The following TXNRD3 variants were observed in gnomAD, a reference collection of about 807,000 sequenced individuals.
TXNRD3 encodes the protein TXNRD3 neighbor gene protein.
TXNRD3 carries 68 observed loss-of-function variants against 78.2 expected under a neutral mutation model. The ratio of observed to expected loss-of-function variants is 0.87; its 90% confidence interval spans 0.72 to 1.06. TXNRD3 has a LOEUF of 1.06. Ranked by LOEUF, TXNRD3 falls within the 50% of genes least tolerant of loss-of-function variation. The pLI is 0.00. For missense variants in TXNRD3, 751 were observed against 809.5 expected (o/e 0.93, Z 0.88); for synonymous variants, 296 against 300.1 (o/e 0.99, Z 0.14).
chr3:126,609,805 A>G (rs1199287826), intron 14 of TXNRD3, among the ~76,000 whole-genome samples: 4 of 152,198 alleles, frequency 2.6e-5, no homozygotes, highest in Non-Finnish European at 5.9e-5. Context: ...GGTCAGAACT[A>G]GCATGACAGC....
chr3:126,618,179 T>A lies in TXNRD3; in HGVS notation c.1525-2717A>T, dbSNP rs1576282447. Among the ~76,000 whole-genome samples the A allele has an allele frequency of 2.6e-5, 4 of 152,302 alleles. No individual in the cohort carries two copies. In the East Asian group the frequency reaches 7.7e-4, roughly 29 times the overall value. On this transcript the variant is annotated intron_variant, in intron 12 of 15. Transcript: ENST00000524230. ...ATCTACAGATGCAATCCAATCTCTA[T>A]CAAAATACCAATCACATTCTTCACA...
intron 7 of TXNRD3, among the ~76,000 whole-genome samples, chr3:126,633,416 C>T (rs1480601459): frequency 6.6e-6 from 1 of 152,126 alleles, no homozygotes; most frequent in African/African-American, 2.4e-5. Context: ...TCCAATTAAA[C>T]TGTTTGTGTT....
rs1390311861 is a variant in TXNRD3 at position 126,622,456 on chromosome 3, ATACT to A, written c.1367+4_1367+7del. The A allele has an allele frequency of 6.5e-7, 1 of 1,532,392 alleles. No homozygotes were observed. Among genetic ancestry groups the A allele is most frequent in the Non-Finnish European group, 8.7e-7 (1 of 1,144,422 alleles). The allele number at this position is 1,532,392 out of a possible 1,614,324, so 94.9% of individuals were successfully genotyped here. A position where few individuals can be genotyped will look rare whatever the true frequency, so the allele number is the denominator to read the frequency against. ...GCAGCAACAGTGCAGTGATCCCAAT[ATACT>A]TACTTCTCATTAATTTTGACACCAA... On this transcript the variant is annotated splice_donor_5th_base_variant and intron_variant, in intron 11 of 15. Coordinates refer to ENST00000524230, the MANE Select transcript of TXNRD3 (RefSeq NM_052883.3).
At chr3:126,622,679 A>G (rs1275690222) in intron 10 of TXNRD3, 139 bp from the exon 11 acceptor site, 2 of 646,608 alleles carry the variant, frequency 3.1e-6, no homozygotes, top group Non-Finnish European at 5.0e-6. Context: ...CTGACAGCTT[A>G]AGGTGAAATA....
At chr3:126,627,224 G>A (rs937659932) in intron 10 of TXNRD3, among the ~76,000 whole-genome samples, 2 of 152,102 alleles carry the variant, frequency 1.3e-5, no homozygotes, top group Non-Finnish European at 2.9e-5. Context: ...AAATCTATAC[G>A]ATAAAAAGAA....
intron 5 of TXNRD3, among the ~76,000 whole-genome samples, chr3:126,642,472 A>T (rs777356332): frequency 1.3e-5 from 2 of 152,206 alleles, no homozygotes; most frequent in Non-Finnish European, 2.9e-5. Context: ...TGAGAATCTC[A>T]GCTCCCAGCC....
At chr3:126,622,634 T>C in intron 10 of TXNRD3, 94 bp from the exon 11 acceptor site, 4 of 892,910 alleles carry the variant, frequency 4.5e-6, no homozygotes, top group Non-Finnish European at 6.7e-6. Context: ...AAAAGGGTAA[T>C]AATGGAATAT....
intron 10 of TXNRD3, chr3:126,624,766 A>G: frequency 6.2e-6 from 1 of 161,710 alleles, no homozygotes; most frequent in Middle Eastern, 1.9e-3. Flanking sequence ...ATGGTACTGG[A>G]TATCCACACG....
At chr3:126,635,904 TAAACACACACACATATATAC>T (rs1270993053) in intron 6 of TXNRD3, among the ~76,000 whole-genome samples, 4 of 152,028 alleles carry the variant, frequency 2.6e-5, no homozygotes, top group African/African-American at 9.7e-5. Context: ...TATATACACA[TAAACACACACACATATATAC>T]AAACACACAC....
chr3:126,619,784 CA>C (rs1477891198), intron 12 of TXNRD3, among the ~76,000 whole-genome samples: 1 of 152,156 alleles, frequency 6.6e-6, no homozygotes, highest in Non-Finnish European at 1.5e-5. Flanking sequence ...CTGATTTGAT[CA>C]TTACACATTG....
At position 126,644,359 on chromosome 3, in the gene TXNRD3, A is replaced by G. The variant is rs1933179620; in HGVS notation, c.457T>C (p.Leu153=). ...ATGATGAGATCATAATCATATGCCA[A>G]ATCTTCCTGAAGGAGCTTCTGTAAC... The change falls in exon 4 of 16, where the codon TTG becomes CTG. Residue 153 remains leucine (L), a synonymous_variant. Coordinates refer to ENST00000524230, the MANE Select transcript of TXNRD3 (RefSeq NM_052883.3). 3.9e-6 allele frequency: 6 copies of G among 1,536,346 alleles called. No homozygotes were observed. Among genetic ancestry groups the G allele is most frequent in the Non-Finnish European group, 1.7e-6 (2 of 1,146,946 alleles).
rs1232739389 is a variant in TXNRD3 at position 126,634,735 on chromosome 3, A to G, written c.713-684T>C. On this transcript the variant is annotated intron_variant, in intron 6 of 15. Transcript: ENST00000524230. The stretch of plus-strand genomic sequence containing the variant: ...GGTCACCCTGTGCAGCTCTATGTTT[A>G]TAAGATGCAGGGGTCAGCCCAGCCA... Among the ~76,000 whole-genome samples, 3 of 152,272 alleles carry G rather than the reference A, an allele frequency of 2.0e-5. No individual in the cohort carries two copies. In the East Asian group the frequency reaches 5.8e-4, roughly 29 times the overall value.
intron 6 of TXNRD3, among the ~76,000 whole-genome samples, chr3:126,637,932 C>CTCTCTTTTTTTTTT (rs1444254294): frequency 3.3e-5 from 2 of 60,188 alleles, no homozygotes; most frequent in East Asian, 1.4e-3. Flanking sequence ...ATTTCTCTCT[C>CTCTCTTTTTTTTTT]TTTTTTTTTT....
At chr3:126,623,851 C>CAAAGAAAAAAAA (rs758992893) in intron 10 of TXNRD3, among the ~76,000 whole-genome samples, 1 of 89,760 alleles carries the variant, frequency 1.1e-5, no homozygotes, top group Non-Finnish European at 2.3e-5. Context: ...TGAAACAAGG[C>CAAAGAAAAAAAA]CAAAAAAAAA....
intron 1 of TXNRD3, among the ~76,000 whole-genome samples, chr3:126,648,310 C>T (rs1042811384): frequency 4.6e-5 from 7 of 152,184 alleles, no homozygotes; most frequent in Non-Finnish European, 8.8e-5. Flanking sequence ...AAGCACTCTA[C>T]AGATTTAATG....
chr3:126,633,885 CA>C (rs1559776251), intron 7 of TXNRD3, 23 bp downstream of exon 7: 2 of 1,448,182 alleles, frequency 1.4e-6, no homozygotes, highest in Admixed American at 5.3e-5. Flanking sequence ...AGGAGATGAA[CA>C]AGACAAGAAA....
Position 126,630,609 on chromosome 3 carries a change from T to C in TXNRD3, c.1197+103A>G, listed in dbSNP as rs1206318137. 6 of 1,242,706 alleles carry C rather than the reference T, an allele frequency of 4.8e-6. No individual in the cohort carries two copies. The African/African-American group carries it at 9.0e-5, about 19-fold the overall frequency. The allele number at this position is 1,242,706 out of a possible 1,614,324, so 77.0% of individuals were successfully genotyped here. ...TAGACTTGGGAGTGGAAACACTGTT[T>C]TAACATTATTTGAATACAGACTAAT... On this transcript the variant is annotated intron_variant, in intron 9 of 15. Transcript: ENST00000524230.
At chr3:126,648,191 A>T (rs949986923) in intron 1 of TXNRD3, among the ~76,000 whole-genome samples, 1 of 152,250 alleles carries the variant, frequency 6.6e-6, no homozygotes, top group Non-Finnish European at 1.5e-5. Flanking sequence ...TTGGATGCTG[A>T]AAACCACAAA....
chr3:126,628,403 C>G (rs543725971), intron 10 of TXNRD3, among the ~76,000 whole-genome samples: 1 of 151,900 alleles, frequency 6.6e-6, no homozygotes, highest in Non-Finnish European at 1.5e-5. Context: ...TTATTATTCA[C>G]AAATAAATAA....
Sources: allele counts gnomAD v4.1 joint callset (sites outside exome capture counted in the v4.1 genomes callset), GRCh38; gene constraint gnomAD v4.1.1; transcripts MANE v1.5; gene names NCBI Gene and HGNC (gene_info 2026-07-23, HGNC 2026-07-21).